The following PLEKHA5 variants were observed in gnomAD, a reference collection of about 807,000 sequenced individuals.
PLEKHA5 encodes the protein pleckstrin homology domain containing A5.
A neutral mutation model predicts 181.9 loss-of-function variants in PLEKHA5; 55 were observed. That is an observed-to-expected ratio of 0.30 (90% CI 0.24 to 0.38). PLEKHA5 has a LOEUF of 0.38. Among genes scored for constraint, PLEKHA5 ranks in the 10% least tolerant of loss-of-function variants. PLEKHA5 has a pLI of 1.00. For missense variants in PLEKHA5, 1,432 were observed against 1,549.5 expected, an observed-to-expected ratio of 0.92 and a Z score of 1.27; for synonymous variants, 535 against 529.4, an observed-to-expected ratio of 1.01 and a Z score of -0.15.
At chr12:19,336,983 C>CTTTT (rs1227139242) in intron 21 of PLEKHA5, among the ~76,000 whole-genome samples, 4 of 112,650 alleles carry the variant, frequency 3.6e-5, no homozygotes, top group Non-Finnish European at 5.3e-5. Flanking sequence ...TATCTTTTAT[C>CTTTT]TTTTTTTTTT....
intron 25 of PLEKHA5, among the ~76,000 whole-genome samples, chr12:19,349,854 T>C (rs1391768144): frequency 6.6e-6 from 1 of 152,136 alleles, no homozygotes; most frequent in Non-Finnish European, 1.5e-5. Flanking sequence ...GGCTCACTCC[T>C]GTAATCCCAG....
intron 3 of PLEKHA5, among the ~76,000 whole-genome samples, chr12:19,185,138 A>G (rs770239026): frequency 6.7e-6 from 1 of 148,846 alleles, no homozygotes; most frequent in Non-Finnish European, 1.5e-5. Context: ...TGGAGAGGAG[A>G]TTAATGGACC....
chr12:19,152,692 A>G (rs940332034), intron 3 of PLEKHA5: 2 of 152,202 alleles, frequency 1.3e-5, no homozygotes, highest in Non-Finnish European at 2.9e-5. Context: ...TGAATATAAC[A>G]TTTGTCAGAC....
intron 3 of PLEKHA5, chr12:19,201,743 A>G (rs1484930382): frequency 6.6e-6 from 1 of 152,112 alleles, no homozygotes; most frequent in Non-Finnish European, 1.5e-5. Context: ...CATTTTTATG[A>G]ATTTCCCAGA....
Position 19,290,791 on chromosome 12 carries a change from C to A in PLEKHA5, c.1978C>A (p.Pro660Thr). The part of the protein sequence containing the change: ...LMQLKLEAHS[P>T]KNEILSHHLQ... ...GCAGCTAAAGCTTGAGGCCCACAGC[C>A]CAAAGGTCAGCTATGGAGAGATTTG... The change falls in exon 14 of 32, where the codon CCA becomes ACA. Residue 660 changes from proline to threonine, a missense_variant. Physicochemically the swap from Pro to Thr is conservative, Grantham distance 38. Around this residue, in one of 2 missense-constraint regions of PLEKHA5, gnomAD observed 1,143 missense variants for 1,168.4 expected, o/e 0.98. Coordinates refer to ENST00000429027, the MANE Select transcript of PLEKHA5 (RefSeq NM_001256470.2). 1 of 1,533,118 alleles carries A rather than the reference C, an allele frequency of 6.5e-7. No homozygotes were observed. The highest frequency in any genetic ancestry group is 8.7e-7 in the Non-Finnish European group (1 of 1,144,524). 95.0% of individuals were successfully genotyped at this position (1,533,118 alleles called of 1,614,324 possible).
intron 7 of PLEKHA5, among the ~76,000 whole-genome samples, chr12:19,265,196 A>G (rs2069926345): frequency 6.6e-6 from 1 of 152,174 alleles, no homozygotes; most frequent in African/African-American, 2.4e-5. Flanking sequence ...AGCATCTACC[A>G]CTGTCATTCT....
intron 3 of PLEKHA5, among the ~76,000 whole-genome samples, chr12:19,227,192 G>C (rs1006772999): frequency 6.6e-6 from 1 of 151,720 alleles, no homozygotes; most frequent in African/African-American, 2.4e-5. Context: ...CACAGAATGT[G>C]ATAGACCATT....
chr12:19,316,751 C>T (rs2088927293), intron 16 of PLEKHA5, among the ~76,000 whole-genome samples: 1 of 152,030 alleles, frequency 6.6e-6, no homozygotes, highest in Non-Finnish European at 1.5e-5. Context: ...AAGTGACAGC[C>T]CGACACATTT....
intron 3 of PLEKHA5, among the ~76,000 whole-genome samples, chr12:19,226,862 A>G (rs1482394061): frequency 1.3e-5 from 2 of 152,166 alleles, no homozygotes; most frequent in Non-Finnish European, 2.9e-5. Flanking sequence ...TATGTAGGTA[A>G]CATTTTTGAA....
intron 29 of PLEKHA5, among the ~76,000 whole-genome samples, chr12:19,364,939 C>T (rs1399171452): frequency 4.6e-5 from 7 of 152,022 alleles, no homozygotes; most frequent in South Asian, 2.1e-4. Context: ...TGATTACAGG[C>T]GTGAGCCACC....
chr12:19,176,106 CTTATT>C (rs908033438), intron 3 of PLEKHA5, among the ~76,000 whole-genome samples: 8 of 151,844 alleles, frequency 5.3e-5, no homozygotes, highest in African/African-American at 1.5e-4. Flanking sequence ...TAACAATTGA[CTTATT>C]TTATTAAACC....
intron 15 of PLEKHA5, among the ~76,000 whole-genome samples, chr12:19,298,178 A>C (rs1000531497): frequency 6.6e-6 from 1 of 152,094 alleles, no homozygotes; most frequent in African/African-American, 2.4e-5. Context: ...CAGCCTAGGC[A>C]ACAGAGGGAG....
At chr12:19,190,187 G>A (rs1029008599) in intron 3 of PLEKHA5, among the ~76,000 whole-genome samples, 5 of 152,090 alleles carry the variant, frequency 3.3e-5, no homozygotes, top group African/African-American at 1.2e-4. Context: ...AAAGTTTTAG[G>A]AAATATTTTG....
rs192609437 is a variant in PLEKHA5, at chr12:19,336,541, T to C, written c.2475T>C (p.Tyr825=). The change falls in exon 21 of 32, where the codon TAT becomes TAC. Residue 825 remains tyrosine (Y), a synonymous_variant. Coordinates refer to ENST00000429027, the MANE Select transcript of PLEKHA5 (RefSeq NM_001256470.2). The part of the protein sequence containing the change: ...TAELERAWRE[Y]DKLEYDVTVT... ...AATTGGAACGAGCATGGAGAGAATA[T>C]GATAAGTTAGAATACGATGTAACTG... The C allele has an allele frequency of 1.6e-5, 25 of 1,606,264 alleles. No homozygotes were observed. The African/African-American group carries it at 2.8e-4, about 18-fold the overall frequency.
intron 3 of PLEKHA5, among the ~76,000 whole-genome samples, chr12:19,156,606 T>C (rs766887659): frequency 3.3e-5 from 5 of 152,030 alleles, no homozygotes; most frequent in Non-Finnish European, 7.4e-5. Flanking sequence ...TTTTTCATTA[T>C]ATGGCCTCAT....
chr12:19,268,912 A>G (rs2071524114), intron 8 of PLEKHA5, among the ~76,000 whole-genome samples: 1 of 152,210 alleles, frequency 6.6e-6, no homozygotes, highest in Admixed American at 6.5e-5. Context: ...ATTTCGGATC[A>G]TTTATAAATC....
intron 15 of PLEKHA5, chr12:19,303,705 T>C (rs1313691428): frequency 6.6e-6 from 1 of 152,002 alleles, no homozygotes; most frequent in East Asian, 1.9e-4. Flanking sequence ...ACTTCTGTGC[T>C]GATCAGTAGT....
intron 3 of PLEKHA5, among the ~76,000 whole-genome samples, chr12:19,218,931 CTT>C (rs67123665): frequency 4.4e-4 from 62 of 140,216 alleles, no homozygotes; most frequent in East Asian, 6.2e-4. Flanking sequence ...TTTTAATTTT[CTT>C]TTTTTTTTTA....
intron 25 of PLEKHA5, 120 bp downstream of exon 25, chr12:19,348,639 A>G: frequency 7.8e-6 from 5 of 642,524 alleles, no homozygotes; most frequent in Non-Finnish European, 4.9e-6. Context: ...CTTTATCTGA[A>G]ACCTTTGGAC....
Sources: allele counts gnomAD v4.1 joint callset (sites outside exome capture counted in the v4.1 genomes callset), GRCh38; gene constraint gnomAD v4.1.1; regional missense constraint gnomAD v4.1.1; transcripts MANE v1.5; gene names NCBI Gene and HGNC (gene_info 2026-07-23, HGNC 2026-07-21).